The following KAZN variants were observed in gnomAD, a reference collection of about 807,000 sequenced individuals.
KAZN encodes the protein kazrin.
A neutral mutation model predicts 87.4 loss-of-function variants in KAZN; 40 were observed. The ratio of observed to expected loss-of-function variants is 0.46; its 90% CI spans 0.36 to 0.60. The LOEUF (loss-of-function observed/expected upper bound fraction) is 0.60. KAZN is among the 20% of genes least tolerant of loss of function. The probability of loss-of-function intolerance (pLI) is 0.00; values close to 1 mark genes in which losing one functional copy is unlikely to be tolerated. For missense variants in KAZN, 898 were observed against 1,073.9 expected (o/e 0.84, Z 2.29); for synonymous variants, 466 against 458.3 (o/e 1.02, Z -0.22).
At chr1:14,399,546 C>T (rs1022991321) in intron 2 of KAZN, among the ~76,000 whole-genome samples, 1 of 152,090 alleles carries the variant, frequency 6.6e-6, no homozygotes, top group Non-Finnish European at 1.5e-5. Flanking sequence ...CCATTAGGAC[C>T]AATCCCAAGC....
At chr1:14,322,898 A>G (rs1264700833) in intron 2 of KAZN, among the ~76,000 whole-genome samples, 1 of 152,120 alleles carries the variant, frequency 6.6e-6, no homozygotes, top group East Asian at 1.9e-4. Context: ...AAAGAGGCTT[A>G]ATTGACTCAC....
intron 1 of KAZN, among the ~76,000 whole-genome samples, chr1:14,676,974 A>C (rs573584916): frequency 2.6e-5 from 4 of 152,306 alleles, no homozygotes; most frequent in African/African-American, 9.6e-5. Flanking sequence ...CACAATAATA[A>C]AATTAACACA....
At chr1:14,620,361 G>A (rs1678597712) in intron 1 of KAZN, among the ~76,000 whole-genome samples, 2 of 152,212 alleles carry the variant, frequency 1.3e-5, no homozygotes, top group Non-Finnish European at 2.9e-5. Flanking sequence ...GCTCAGCAAT[G>A]CCTAGCACAT....
At chr1:14,015,634 C>T (rs1810486) in intron 1 of KAZN, among the ~76,000 whole-genome samples, 135,205 of 147,286 alleles carry the variant, frequency 0.92, 62,354 homozygotes, top group Non-Finnish European at 0.96. Context: ...GTGCCTGCCA[C>T]CACACCCAGC....
At chr1:14,304,987 C>G (rs1654822006) in intron 2 of KAZN, among the ~76,000 whole-genome samples, 1 of 151,348 alleles carries the variant, frequency 6.6e-6, no homozygotes, top group African/African-American at 2.4e-5. Context: ...GATCTATGGG[C>G]CTTTGAGAAA....
chr1:14,115,056 G>A (rs1644585622), intron 1 of KAZN, among the ~76,000 whole-genome samples: 2 of 152,288 alleles, frequency 1.3e-5, no homozygotes, highest in African/African-American at 4.8e-5. Context: ...CCATAACAAA[G>A]TCCCACAGAC....
chr1:14,688,208 C>T (rs549042871), intron 1 of KAZN, among the ~76,000 whole-genome samples: 4 of 152,296 alleles, frequency 2.6e-5, no homozygotes, highest in South Asian at 2.1e-4. Context: ...TCCCAAGTTG[C>T]GTTCTAGCTA....
chr1:14,880,847 T>A (rs1421420259), intron 1 of KAZN, among the ~76,000 whole-genome samples: 1 of 152,214 alleles, frequency 6.6e-6, no homozygotes, highest in Non-Finnish European at 1.5e-5. Flanking sequence ...TGGCATCACA[T>A]CTGCTGTCCT....
intron 1 of KAZN, among the ~76,000 whole-genome samples, chr1:14,704,808 A>C (rs1200929565): frequency 6.6e-6 from 1 of 152,204 alleles, no homozygotes; most frequent in African/African-American, 2.4e-5. Flanking sequence ...GAGGAGAGTG[A>C]GGTCAAGTTA....
intron 2 of KAZN, among the ~76,000 whole-genome samples, chr1:14,572,639 C>T (rs1398789337): frequency 6.6e-6 from 1 of 152,144 alleles, no homozygotes; most frequent in East Asian, 1.9e-4. Flanking sequence ...GCGGCTCTGT[C>T]GCATTGAGCC....
intron 1 of KAZN, among the ~76,000 whole-genome samples, chr1:14,045,092 C>T (rs1239571011): frequency 1.3e-5 from 2 of 152,298 alleles, no homozygotes; most frequent in African/African-American, 4.8e-5. Context: ...ATGCCAAAGC[C>T]ATCTTGGAAG....
intron 1 of KAZN, among the ~76,000 whole-genome samples, chr1:13,994,535 T>C (rs753739645): frequency 6.6e-6 from 1 of 152,194 alleles, no homozygotes; most frequent in African/African-American, 2.4e-5. Flanking sequence ...CCCAACATGC[T>C]TGGAGCTGGG....
chr1:14,890,461 T>G (rs1182979199), intron 1 of KAZN, among the ~76,000 whole-genome samples: 2 of 151,852 alleles, frequency 1.3e-5, no homozygotes, highest in African/African-American at 4.8e-5. Flanking sequence ...ACCTGTGACA[T>G]CCCCTAAAAG....
chr1:13,988,870 C>G (rs1639147459), intron 1 of KAZN, among the ~76,000 whole-genome samples: 1 of 152,182 alleles, frequency 6.6e-6, no homozygotes, highest in African/African-American at 2.4e-5. Flanking sequence ...ATTTTGCAGA[C>G]AATCTCAGGA....
chr1:14,667,746 G>A (rs1167645330), intron 1 of KAZN, among the ~76,000 whole-genome samples: 2 of 151,158 alleles, frequency 1.3e-5, no homozygotes, highest in Non-Finnish European at 2.9e-5. Context: ...GTGTACTGAA[G>A]TTGACCCGGA....
At chr1:14,681,657 A>ATTTT (rs570137678) in intron 1 of KAZN, among the ~76,000 whole-genome samples, 3 of 8,536 alleles carry the variant, frequency 3.5e-4, no homozygotes, top group Non-Finnish European at 7.2e-4. Context: ...ATATATATAT[A>ATTTT]TTTTTTTTTT....
At chr1:14,731,272 C>T (rs1406602378) in intron 1 of KAZN, among the ~76,000 whole-genome samples, 1 of 152,186 alleles carries the variant, frequency 6.6e-6, no homozygotes, top group Non-Finnish European at 1.5e-5. Flanking sequence ...AATCGTGCAG[C>T]ACCCATTTTC....
chr1:14,258,577 T>C (rs1448750872), intron 2 of KAZN, among the ~76,000 whole-genome samples: 2 of 152,140 alleles, frequency 1.3e-5, no homozygotes, highest in African/African-American at 4.8e-5. Flanking sequence ...AAGCTTCTTT[T>C]GCTATTCGTT....
At position 14,129,410 on chromosome 1, in the gene KAZN, C is replaced by G. The variant is rs74724935; in HGVS notation, c.92-51025C>G. Among the ~76,000 whole-genome samples, 8 of 152,310 alleles carry G rather than the reference C, an allele frequency of 5.3e-5. No homozygotes were observed. In the East Asian group the frequency reaches 1.5e-3, roughly 29 times the overall value. On this transcript the variant is annotated intron_variant, in intron 1 of 16. Transcript: ENST00000636203. Reference sequence around the variant, plus strand: ...CTTTTTCTTATCCATCAGCCAAGTTCAGGGATATTCCTTCAAGCATCAGGC... The same window carrying G: ...CTTTTTCTTATCCATCAGCCAAGTTGAGGGATATTCCTTCAAGCATCAGGC...
Sources: allele counts gnomAD v4.1 joint callset (sites outside exome capture counted in the v4.1 genomes callset), GRCh38; gene constraint gnomAD v4.1.1; transcripts MANE v1.5; gene names NCBI Gene and HGNC (gene_info 2026-07-23, HGNC 2026-07-21).